Variants in ESR1 observed in about 807,000 individuals in gnomAD.
The protein encoded by ESR1 is estrogen receptor.
A neutral mutation model predicts 52.7 loss-of-function variants in ESR1; 12 were observed. The observed-to-expected ratio is 0.23, with a 90% CI of 0.15 to 0.37. The LOEUF (loss-of-function observed/expected upper bound fraction) is 0.37, where lower values mean the gene tolerates loss of function less well. ESR1 is among the 10% of genes least tolerant of loss of function. ESR1 has a pLI of 1.00. For missense variants in ESR1, 584 were observed against 779.7 expected (o/e 0.75, Z 2.99); for synonymous variants, 305 against 316.8 (o/e 0.96, Z 0.39).
chr6:152,026,227 C>T (rs1156733727), intron 5 of ESR1, among the ~76,000 whole-genome samples: 1 of 152,060 alleles, frequency 6.6e-6, no homozygotes, highest in African/African-American at 2.4e-5. Context: ...TATTTATCTT[C>T]TTATAATTTT....
chr6:151,862,110 G>A (rs755676935), intron 2 of ESR1, among the ~76,000 whole-genome samples: 2 of 152,126 alleles, frequency 1.3e-5, no homozygotes, highest in African/African-American at 2.4e-5. Context: ...TCTATGTTAC[G>A]TGTCCTGAAT....
intron 5 of ESR1, among the ~76,000 whole-genome samples, chr6:152,060,653 C>G (rs78056206): frequency 4.5e-4 from 68 of 152,256 alleles, no homozygotes; most frequent in African/African-American, 1.5e-3. Context: ...GATCAATATA[C>G]GTGTATTAGA....
At chr6:151,976,147 GT>G (rs991065117) in intron 4 of ESR1, among the ~76,000 whole-genome samples, 9 of 150,294 alleles carry the variant, frequency 6.0e-5, no homozygotes, top group African/African-American at 2.2e-4. Flanking sequence ...AGATTTTGTT[GT>G]TTTTTTTTAA....
At chr6:152,048,753 G>T (rs2046437110) in intron 5 of ESR1, among the ~76,000 whole-genome samples, 1 of 152,172 alleles carries the variant, frequency 6.6e-6, no homozygotes, top group African/African-American at 2.4e-5. Context: ...ATAGTATTCA[G>T]CTAAAACTGA....
chr6:151,837,780 G>A (rs576121894), intron 1 of ESR1, among the ~76,000 whole-genome samples: 3 of 152,190 alleles, frequency 2.0e-5, no homozygotes, highest in Non-Finnish European at 2.9e-5. Flanking sequence ...GATGAGAAAC[G>A]GTACAGGTTT....
At chr6:151,879,596 G>T (rs9340839) in intron 2 of ESR1, among the ~76,000 whole-genome samples, 1 of 151,934 alleles carries the variant, frequency 6.6e-6, no homozygotes, top group Non-Finnish European at 1.5e-5. Flanking sequence ...AAAGAAAGAG[G>T]GTTCATCATA....
At chr6:151,765,792 C>T (rs555375812) in intron 2 of ESR1, among the ~76,000 whole-genome samples, 1 of 152,272 alleles carries the variant, frequency 6.6e-6, no homozygotes, top group African/African-American at 2.4e-5. Flanking sequence ...ATGGCTGTTG[C>T]TTATGAAAAC....
chr6:152,124,043 G>C (rs2052435117), intron 6 of ESR1, among the ~76,000 whole-genome samples: 1 of 152,210 alleles, frequency 6.6e-6, no homozygotes, highest in Admixed American at 6.5e-5. Context: ...ATGGGAGAGG[G>C]CTGGGCACAG....
At chr6:151,990,904 T>C (rs983866142) in intron 4 of ESR1, among the ~76,000 whole-genome samples, 3 of 152,162 alleles carry the variant, frequency 2.0e-5, no homozygotes, top group Non-Finnish European at 2.9e-5. Context: ...TGGGAATAGA[T>C]AAGATTATCT....
At chr6:151,884,637 A>G (rs1793543895) in intron 3 of ESR1, among the ~76,000 whole-genome samples, 2 of 152,260 alleles carry the variant, frequency 1.3e-5, no homozygotes, top group African/African-American at 2.4e-5. Context: ...TTAATCTGTT[A>G]TAATACTTAC....
intron 1 of ESR1, among the ~76,000 whole-genome samples, chr6:151,826,455 C>T (rs1781523379): frequency 1.3e-5 from 2 of 152,162 alleles, no homozygotes; most frequent in Admixed American, 6.5e-5. Context: ...GCCTGTGCTG[C>T]GAGGCCTGGG....
chr6:151,659,069 A>G (rs1317348599), intron 1 of ESR1, among the ~76,000 whole-genome samples: 1 of 152,152 alleles, frequency 6.6e-6, no homozygotes, highest in South Asian at 2.1e-4. Context: ...GCTGGAGTGC[A>G]GTAGTGTGAT....
At chr6:152,039,119 G>C (rs2045574327) in intron 5 of ESR1, among the ~76,000 whole-genome samples, 1 of 152,198 alleles carries the variant, frequency 6.6e-6, no homozygotes, top group East Asian at 1.9e-4. Context: ...TGTTATTGAT[G>C]ACTACCTTCT....
At chr6:151,833,461 G>A (rs2128218780) in intron 1 of ESR1, among the ~76,000 whole-genome samples, 1 of 152,288 alleles carries the variant, frequency 6.6e-6, no homozygotes, top group East Asian at 1.9e-4. Flanking sequence ...GGTCCATTTT[G>A]CATGGTAGAA....
intron 5 of ESR1, among the ~76,000 whole-genome samples, chr6:152,060,398 T>G (rs1413001630): frequency 3.9e-5 from 6 of 152,184 alleles, no homozygotes; most frequent in Admixed American, 3.9e-4. Flanking sequence ...ACATCTCTGC[T>G]TGATGAAACC....
chr6:151,675,252 A>G (rs912351759), intron 1 of ESR1, among the ~76,000 whole-genome samples: 2 of 152,224 alleles, frequency 1.3e-5, no homozygotes, highest in Non-Finnish European at 2.9e-5. Flanking sequence ...TTATTCACTA[A>G]GTACTCACTG....
At position 151,750,351 on chromosome 6, in the gene ESR1, A is replaced by G. The variant is rs573018060; in HGVS notation, c.-71+48346A>G. ...GTAATAAATCGTTCTCAGCAATGGC[A>G]GTTTGGACACTGATGGACAGTTGGT... On this transcript the variant is annotated intron_variant, in intron 2 of 2. Coordinates refer to the ESR1 transcript ENST00000404742. 7.9e-5 allele frequency among the ~76,000 whole-genome samples: 12 copies of G among 152,288 alleles called. No homozygotes were observed. The East Asian group carries it at 2.1e-3, about 27-fold the overall frequency.
chr6:152,003,562 A>T (rs2042117343), intron 4 of ESR1, among the ~76,000 whole-genome samples: 1 of 151,906 alleles, frequency 6.6e-6, no homozygotes, highest in Non-Finnish European at 1.5e-5. Context: ...GTGCTTCCTG[A>T]TGGTGGGGCT....
chr6:152,097,996 A>G (rs1268785169), intron 7 of ESR1, among the ~76,000 whole-genome samples: 2 of 152,232 alleles, frequency 1.3e-5, no homozygotes, highest in East Asian at 3.8e-4. Flanking sequence ...GGCTGCTGCC[A>G]CTGGGTAGCG....
Sources: allele counts gnomAD v4.1 joint callset (sites outside exome capture counted in the v4.1 genomes callset), GRCh38; gene constraint gnomAD v4.1.1; transcripts MANE v1.5; gene names NCBI Gene and HGNC (gene_info 2026-07-23, HGNC 2026-07-21).